NSMCE2: variants seen among roughly 807,000 people sequenced by gnomAD.
The protein encoded by NSMCE2 is E3 SUMO-protein ligase NSE2.
Under a neutral mutation model 23.8 loss-of-function variants are expected in NSMCE2, and 24 were observed. That is an observed-to-expected ratio of 1.01 (90% CI 0.73 to 1.42). The LOEUF (loss-of-function observed/expected upper bound fraction) is 1.42. NSMCE2 is among the 40% of genes most tolerant of loss of function. NSMCE2 has a pLI of 0.00. For synonymous variants in NSMCE2, 92 were observed against 94.1 expected (o/e 0.98, Z 0.13); for missense variants, 284 against 296.5 (o/e 0.96, Z 0.31).
chr8:125,187,101 T>C (rs1198191090), intron 5 of NSMCE2, among the ~76,000 whole-genome samples: 3 of 152,224 alleles, frequency 2.0e-5, no homozygotes, highest in Admixed American at 6.5e-5. Context: ...ATTTAAGTTA[T>C]TGAGGAAGAG....
At chr8:125,200,159 T>C (rs1823800432) in intron 5 of NSMCE2, among the ~76,000 whole-genome samples, 1 of 152,222 alleles carries the variant, frequency 6.6e-6, no homozygotes, top group Non-Finnish European at 1.5e-5. Flanking sequence ...AATTGGGGCA[T>C]TTAGCCCATT....
At chr8:125,196,837 A>G (rs1171580178) in intron 5 of NSMCE2, among the ~76,000 whole-genome samples, 3 of 152,142 alleles carry the variant, frequency 2.0e-5, no homozygotes, top group Admixed American at 2.0e-4. Context: ...AAGCATTCCT[A>G]CTTCTCCACA....
intron 5 of NSMCE2, among the ~76,000 whole-genome samples, chr8:125,286,085 C>T (rs569203895): frequency 6.6e-6 from 1 of 152,000 alleles, no homozygotes; most frequent in East Asian, 1.9e-4. Context: ...TTAATTTGCA[C>T]ACCACTGTCA....
chr8:125,329,709 C>G (rs1305402981), intron 5 of NSMCE2, among the ~76,000 whole-genome samples: 2 of 152,176 alleles, frequency 1.3e-5, no homozygotes, highest in Non-Finnish European at 2.9e-5. Context: ...GACTTATTAG[C>G]TGCCTGGCAA....
intron 5 of NSMCE2, among the ~76,000 whole-genome samples, chr8:125,293,472 C>G (rs1232912919): frequency 7.4e-6 from 1 of 134,264 alleles, no homozygotes; most frequent in Non-Finnish European, 1.6e-5. Flanking sequence ...TTTACTGACT[C>G]CAGTGGGTTA....
At chr8:125,359,144 A>G (rs1205429524) in intron 7 of NSMCE2, among the ~76,000 whole-genome samples, 1 of 151,394 alleles carries the variant, frequency 6.6e-6, no homozygotes, top group Non-Finnish European at 1.5e-5. Context: ...GCAGGCGCCT[A>G]CAGTCCCAGC....
In NSMCE2 at chr8:125,362,293, C is replaced by G. The variant is rs187853317; in HGVS notation, c.626+4475C>G. Among the ~76,000 whole-genome samples, 247 of 152,360 alleles carry G rather than the reference C, an allele frequency of 1.6e-3. 1 individual carries two copies. The highest frequency in any genetic ancestry group is 5.6e-3 in the African/African-American group (234 of 41,590). ...GCATGATGGCCTTCTCTTATCCTTT[C>G]TGCTTTAAAAACTTGTGTTTATTGG... On this transcript the variant is annotated intron_variant, in intron 7 of 7. Coordinates refer to ENST00000287437, the MANE Select transcript of NSMCE2 (RefSeq NM_173685.4).
intron 5 of NSMCE2, among the ~76,000 whole-genome samples, chr8:125,339,904 C>T (rs1830177822): frequency 6.6e-6 from 1 of 151,952 alleles, no homozygotes; most frequent in African/African-American, 2.4e-5. Context: ...AGGAAAGTTG[C>T]ATGAGTCATA....
rs76011477 is a variant in NSMCE2, at chr8:125,316,942, C to T, written c.419-40277C>T. 4.3e-3 allele frequency among the ~76,000 whole-genome samples: 656 copies of T among 151,894 alleles called. 7 individuals are homozygous for T. The highest frequency in any genetic ancestry group is 0.015 in the African/African-American group (634 of 41,398). On this transcript the variant is annotated intron_variant, in intron 5 of 7. Coordinates refer to ENST00000287437, the MANE Select transcript of NSMCE2 (RefSeq NM_173685.4). Reference sequence around the variant, plus strand: ...TATAGGCGTGTGCCACCACACCCAGCTGATTTTTGGTTTTTCGTTTTTTTT... The same window carrying T: ...TATAGGCGTGTGCCACCACACCCAGTTGATTTTTGGTTTTTCGTTTTTTTT...
chr8:125,277,357 A>C (rs1018823174), intron 5 of NSMCE2, among the ~76,000 whole-genome samples: 6 of 152,200 alleles, frequency 3.9e-5, no homozygotes, highest in Non-Finnish European at 8.8e-5. Flanking sequence ...TAGGCACTAG[A>C]GGCACAATGA....
Position 125,223,806 on chromosome 8 carries a change from C to CTTT in NSMCE2, c.418+41571_418+41573dup, listed in dbSNP as rs777644019. On this transcript the variant is annotated intron_variant, in intron 5 of 7. Coordinates refer to ENST00000287437, the MANE Select transcript of NSMCE2 (RefSeq NM_173685.4). Reference sequence around the variant, plus strand: ...AGAAATGTGTGTTCAGGTCCTTTGCCTTTTTTTTTTTTTTTTTTTTTTTGA... The same window carrying CTTT: ...AGAAATGTGTGTTCAGGTCCTTTGCCTTTTTTTTTTTTTTTTTTTTTTTTTTGA... 1.1e-3 allele frequency among the ~76,000 whole-genome samples: 119 copies of CTTT among 107,938 alleles called. 1 individual carries two copies. Among genetic ancestry groups the CTTT allele is most frequent in the South Asian group, 4.0e-3 (12 of 3,020 alleles). The allele number at this position is 107,938 out of a possible 152,430, so 70.8% of individuals were successfully genotyped here. A position where few individuals can be genotyped will look rare whatever the true frequency, so the allele number is the denominator to read the frequency against.
intron 5 of NSMCE2, among the ~76,000 whole-genome samples, chr8:125,351,157 A>G (rs1446003623): frequency 6.6e-6 from 1 of 152,196 alleles, no homozygotes; most frequent in African/African-American, 2.4e-5. Context: ...AACCAAAGGC[A>G]GAGCTGCTTG....
rs1181926113 is a variant in NSMCE2 at position 125,175,938 on chromosome 8, C to G, written c.265-6165C>G. Among the ~76,000 whole-genome samples the G allele has an allele frequency of 2.0e-5, 3 of 152,186 alleles. No individual in the cohort carries two copies. In the East Asian group the frequency reaches 5.8e-4, roughly 29 times the overall value. On this transcript the variant is annotated intron_variant, in intron 4 of 7. Coordinates refer to ENST00000287437, the MANE Select transcript of NSMCE2 (RefSeq NM_173685.4). ...TTTTGTTTCTACCATTATCTTTTTT[C>G]CTGAAACAACAAGCCTCTATATGGA...
At chr8:125,183,585 C>T (rs1822934660) in intron 5 of NSMCE2, among the ~76,000 whole-genome samples, 1 of 151,664 alleles carries the variant, frequency 6.6e-6, no homozygotes, top group African/African-American at 2.4e-5. Flanking sequence ...CTTAAATATA[C>T]ATGGGCCATA....
intron 1 of NSMCE2, among the ~76,000 whole-genome samples, chr8:125,095,011 C>G (rs1366858092): frequency 1.3e-5 from 2 of 152,166 alleles, no homozygotes; most frequent in Admixed American, 6.5e-5. Flanking sequence ...ACCACCACAT[C>G]CAGCTAATTT....
At chr8:125,249,904 A>G (rs946506827) in intron 5 of NSMCE2, among the ~76,000 whole-genome samples, 8 of 152,208 alleles carry the variant, frequency 5.3e-5, no homozygotes, top group African/African-American at 1.9e-4. Flanking sequence ...AACATTCAGA[A>G]ATTACCAGCT....
At chr8:125,141,292 G>C (rs1387448993) in intron 3 of NSMCE2, among the ~76,000 whole-genome samples, 1 of 152,098 alleles carries the variant, frequency 6.6e-6, no homozygotes, top group African/African-American at 2.4e-5. Context: ...CCTAAAAGAA[G>C]GTAATGTTTA....
intron 4 of NSMCE2, among the ~76,000 whole-genome samples, chr8:125,171,532 G>T (rs1822205358): frequency 6.6e-6 from 1 of 152,122 alleles, no homozygotes; most frequent in Non-Finnish European, 1.5e-5. Context: ...TTGGGGGAGG[G>T]TTAAATAAAA....
At chr8:125,133,199 T>C (rs1237062267) in intron 3 of NSMCE2, among the ~76,000 whole-genome samples, 1 of 152,304 alleles carries the variant, frequency 6.6e-6, no homozygotes, top group East Asian at 1.9e-4. Flanking sequence ...TAGAAGCAAA[T>C]CTAGTAAATT....
Sources: allele counts gnomAD v4.1 joint callset (sites outside exome capture counted in the v4.1 genomes callset), GRCh38; gene constraint gnomAD v4.1.1; transcripts MANE v1.5; gene names NCBI Gene and HGNC (gene_info 2026-07-23, HGNC 2026-07-21).